FILIP1L: variants seen among roughly 807,000 people sequenced by gnomAD.
The protein encoded by FILIP1L is filamin A-interacting protein 1-like.
FILIP1L carries 55 observed loss-of-function variants against 96.6 expected under a neutral mutation model. That is an observed-to-expected ratio of 0.57 (90% confidence interval 0.46 to 0.71). FILIP1L has a LOEUF of 0.71. FILIP1L is among the 30% of genes least tolerant of loss of function. The pLI is 0.00. For missense variants in FILIP1L, 1,304 were observed against 1,321.2 expected, an observed-to-expected ratio of 0.99 and a Z score of 0.20; for synonymous variants, 467 against 473.9, an observed-to-expected ratio of 0.99 and a Z score of 0.19.
chr3:99,914,120 A>G (rs979835503), intron 4 of FILIP1L, among the ~76,000 whole-genome samples: 6 of 152,222 alleles, frequency 3.9e-5, no homozygotes, highest in African/African-American at 1.4e-4. Flanking sequence ...TCAACAAATC[A>G]GACTTTTCAG....
intron 3 of FILIP1L, among the ~76,000 whole-genome samples, chr3:99,928,021 A>G (rs780914985): frequency 1.3e-5 from 2 of 152,228 alleles, no homozygotes; most frequent in Non-Finnish European, 2.9e-5. Flanking sequence ...AGGTTTTTCA[A>G]AAAGAACATT....
At chr3:99,944,525 A>G (rs1008970042) in intron 1 of FILIP1L, among the ~76,000 whole-genome samples, 1 of 152,204 alleles carries the variant, frequency 6.6e-6, no homozygotes, top group African/African-American at 2.4e-5. Flanking sequence ...TGTGCACACT[A>G]AATCGTTAGG....
At position 99,958,212 on chromosome 3, in the gene FILIP1L, T is replaced by TATTATTATC. The variant is rs1708391951; in HGVS notation, c.-10-27183_-10-27182insGATAATAAT. Among the ~76,000 whole-genome samples, 3 of 129,866 alleles carry TATTATTATC rather than the reference T, an allele frequency of 2.3e-5. No individual in the cohort carries two copies. The South Asian group carries it at 7.0e-4, about 30-fold the overall frequency. The allele number at this position is 129,866 out of a possible 152,430, so 85.2% of individuals were successfully genotyped here. On this transcript the variant is annotated intron_variant, in intron 1 of 5. Transcript: ENST00000477258. ...TATTAAGCCCTGCATGCATTATTATTATTATTATTATTATTATTATTATTA... is the reference window on the plus strand; with the variant it reads ...TATTAAGCCCTGCATGCATTATTATTATTATTATCATTATTATTATTATTATTATTATTA...
intron 1 of FILIP1L, among the ~76,000 whole-genome samples, chr3:99,990,305 C>T (rs990272056): frequency 2.0e-5 from 3 of 152,162 alleles, no homozygotes; most frequent in Non-Finnish European, 2.9e-5. Context: ...CCAGAAGCCA[C>T]AGATTGCCAA....
At chr3:99,900,515 C>G (rs1368420923) in intron 4 of FILIP1L, among the ~76,000 whole-genome samples, 1 of 152,162 alleles carries the variant, frequency 6.6e-6, no homozygotes, top group African/African-American at 2.4e-5. Context: ...TGGCCATAGA[C>G]AAGATTTCAA....
chr3:100,041,760 C>A (rs996267823), intron 1 of FILIP1L, among the ~76,000 whole-genome samples: 1 of 152,116 alleles, frequency 6.6e-6, no homozygotes, highest in Non-Finnish European at 1.5e-5. Flanking sequence ...GGTTTTAGAC[C>A]TACCAGAGAT....
At chr3:99,909,168 T>C (rs539512317) in intron 4 of FILIP1L, among the ~76,000 whole-genome samples, 2 of 152,322 alleles carry the variant, frequency 1.3e-5, no homozygotes, top group East Asian at 3.9e-4. Context: ...GTTGAGGCTA[T>C]GGGTGAAAGA....
chr3:99,976,651 CT>C (rs1312337918), intron 1 of FILIP1L, among the ~76,000 whole-genome samples: 1 of 151,890 alleles, frequency 6.6e-6, no homozygotes. Context: ...TTTTTTTAAA[CT>C]GTTTACCTTC....
intron 1 of FILIP1L, among the ~76,000 whole-genome samples, chr3:100,074,041 T>A (rs2065805987): frequency 6.6e-6 from 1 of 152,216 alleles, no homozygotes; most frequent in Non-Finnish European, 1.5e-5. Context: ...TACTGTTAAC[T>A]GCGGGAAAAG....
intron 4 of FILIP1L, among the ~76,000 whole-genome samples, chr3:99,893,214 G>T (rs1306184702): frequency 7.0e-6 from 1 of 142,116 alleles, no homozygotes; most frequent in Non-Finnish European, 1.5e-5. Flanking sequence ...TGCCCAGGCT[G>T]GAGTGCAGTG....
intron 1 of FILIP1L, among the ~76,000 whole-genome samples, chr3:100,079,001 G>C (rs1245966878): frequency 6.6e-6 from 1 of 152,188 alleles, no homozygotes; most frequent in Non-Finnish European, 1.5e-5. Context: ...GGCCCACGTT[G>C]GACAAGCTTG....
chr3:100,051,316 T>G (rs1018060418), intron 1 of FILIP1L: 1 of 151,968 alleles, frequency 6.6e-6, no homozygotes, highest in Non-Finnish European at 1.5e-5. Flanking sequence ...AGTAAATAAT[T>G]TTATTTCAAA....
Position 99,948,340 on chromosome 3 carries a change from A to C in FILIP1L, c.-10-17310T>G, listed in dbSNP as rs182664286. Among the ~76,000 whole-genome samples the C allele has an allele frequency of 2.6e-5, 4 of 152,152 alleles. No individual in the cohort carries two copies. In the East Asian group the frequency reaches 7.7e-4, roughly 29 times the overall value. ...AGACTGTCTCTCCAAAAAAATAAAA[A>C]AATTAAAAAATTTTTTAAAAATTAA... On this transcript the variant is annotated intron_variant, in intron 1 of 5. Transcript: ENST00000477258.
At chr3:99,991,264 C>A (rs1182410992) in intron 1 of FILIP1L, among the ~76,000 whole-genome samples, 1 of 152,188 alleles carries the variant, frequency 6.6e-6, no homozygotes, top group Non-Finnish European at 1.5e-5. Context: ...AATGGCTGAT[C>A]TACCTGTTTG....
chr3:99,898,767 A>T (rs1706343131), intron 4 of FILIP1L: 1 of 80,508 alleles, frequency 1.2e-5, no homozygotes, highest in Non-Finnish European at 3.3e-5. Context: ...CTCCATCTAA[A>T]AAAAAAAAAA....
chr3:100,036,257 C>T lies in FILIP1L; in HGVS notation c.-11+77796G>A, dbSNP rs140928576. Among the ~76,000 whole-genome samples, 27 of 152,262 alleles carry T rather than the reference C, an allele frequency of 1.8e-4. No individual in the cohort carries two copies. In the East Asian group the frequency reaches 5.2e-3, roughly 29 times the overall value. On this transcript the variant is annotated intron_variant, in intron 1 of 5. Coordinates refer to ENST00000477258, the MANE Select transcript of FILIP1L (RefSeq NM_001387850.1). ...CATAAAGCTTCTACATCTCATTTCC[C>T]ACTAAGAGGAACAAAGCCTTCTTGG...
intron 1 of FILIP1L, among the ~76,000 whole-genome samples, chr3:100,072,001 G>A (rs1414299255): frequency 1.3e-5 from 2 of 152,192 alleles, no homozygotes; most frequent in East Asian, 3.8e-4. Context: ...GCAGTTCAGA[G>A]GACCAGTTGT....
chr3:99,997,682 T>C (rs1386145562), intron 1 of FILIP1L, among the ~76,000 whole-genome samples: 2 of 152,204 alleles, frequency 1.3e-5, no homozygotes, highest in South Asian at 2.1e-4. Context: ...TCACTTCCTC[T>C]GAAGTGAATA....
chr3:99,867,851 T>G (rs996195595), intron 4 of FILIP1L, among the ~76,000 whole-genome samples: 5 of 152,162 alleles, frequency 3.3e-5, no homozygotes, highest in African/African-American at 1.2e-4. Flanking sequence ...GGATTCAGAT[T>G]TATTTGAGTC....
Sources: allele counts gnomAD v4.1 joint callset (sites outside exome capture counted in the v4.1 genomes callset), GRCh38; gene constraint gnomAD v4.1.1; transcripts MANE v1.5; gene names NCBI Gene and HGNC (gene_info 2026-07-23, HGNC 2026-07-21).